Variants in SETD2 observed in about 807,000 individuals in gnomAD.
SETD2 encodes the protein SET domain containing 2, histone lysine methyltransferase, also known as histone-lysine N-methyltransferase SETD2.
SETD2 carries 31 observed loss-of-function variants against 242.1 expected under a neutral mutation model. That is an observed-to-expected ratio of 0.13 (90% CI 0.10 to 0.17). SETD2 has a LOEUF of 0.17. Among genes scored for constraint, SETD2 ranks in the 10% least tolerant of loss-of-function variants. The pLI is 1.00. For synonymous variants in SETD2, 1,006 were observed against 1,066.5 expected, an observed-to-expected ratio of 0.94 and a Z score of 1.11; for missense variants, 2,481 against 3,046.3, an observed-to-expected ratio of 0.81 and a Z score of 4.37.
At chr3:47,052,178 T>C (rs2039875544) in intron 15 of SETD2, among the ~76,000 whole-genome samples, 1 of 152,178 alleles carries the variant, frequency 6.6e-6, no homozygotes, top group Admixed American at 6.5e-5. Flanking sequence ...TTTTTCTGTA[T>C]CACAGAAAAA....
At position 47,115,486 on chromosome 3, in the gene SETD2, T is replaced by C. The variant is rs563753532; in HGVS notation, c.4586+1137A>G. The stretch of plus-strand genomic sequence containing the variant: ...GGATAAAAGAATACCAAAAATCCTT[T>C]CTCTTTATTTTTTCAAGGTATATAT... On this transcript the variant is annotated intron_variant, in intron 4 of 20. Transcript: ENST00000409792. Among the ~76,000 whole-genome samples, 7 of 152,162 alleles carry C rather than the reference T, an allele frequency of 4.6e-5. No homozygotes were observed. In the East Asian group the frequency reaches 1.3e-3, roughly 29 times the overall value.
intron 1 of SETD2, among the ~76,000 whole-genome samples, chr3:47,138,649 A>G (rs555530510): frequency 6.6e-6 from 1 of 150,982 alleles, no homozygotes; most frequent in Non-Finnish European, 1.5e-5. Context: ...TTGAACTCCC[A>G]AACTCTGGTG....
Position 47,017,671 on chromosome 3 carries a change from G to A in SETD2, c.7500C>T (p.Thr2500=), listed in dbSNP as rs148499835. Reference sequence around the variant, plus strand: ...CCAGATGTTTAAAGTCTTCAGTTGTGGTAATTCTTCCCACTTTGCAGTCAG... The same window carrying A: ...CCAGATGTTTAAAGTCTTCAGTTGTAGTAATTCTTCCCACTTTGCAGTCAG... ...RKPDCKVGRI[T]TTEDFKHLAR... The change falls in exon 20 of 21, where the codon ACC becomes ACT. Residue 2500 remains threonine (T), a synonymous_variant. Transcript: ENST00000409792. This position sits in a 1 kb window ranked among gnomAD's most constrained non-coding sequence, Gnocchi z 4.8. 515 of 1,613,838 alleles carry A rather than the reference G, an allele frequency of 3.2e-4. 2 individuals are homozygous for A. The highest frequency in any genetic ancestry group is 1.6e-3 in the Middle Eastern group (10 of 6,084).
chr3:47,107,989 G>GA (rs1357477874), intron 5 of SETD2, among the ~76,000 whole-genome samples: 3 of 151,334 alleles, frequency 2.0e-5, no homozygotes, highest in East Asian at 1.9e-4. Flanking sequence ...CATTAAAAAA[G>GA]AAAAAAAAGC....
rs1452709845 is a variant in SETD2 at position 47,123,941 on chromosome 3, T to G, written c.695A>C (p.Asp232Ala). Residue 232 changes from aspartate (D) to alanine (A), a missense_variant, in exon 3 of 21, where the codon GAT (aspartate) becomes GCT (alanine). Physicochemically the swap from Asp to Ala is moderately radical, Grantham distance 126. Around this residue, in one of 17 missense-constraint regions of SETD2, gnomAD observed 334 missense variants for 374.5 expected, o/e 0.89. Coordinates refer to ENST00000409792, the MANE Select transcript of SETD2 (RefSeq NM_014159.7). Reference sequence around the variant, plus strand: ...TTCTTTCAGAGATCTAACTGCTACATCTACTGGTAAGGGTACTGGTGCTGC... The same window carrying G: ...TTCTTTCAGAGATCTAACTGCTACAGCTACTGGTAAGGGTACTGGTGCTGC... ...LMAAPVPLPVDVAVRSLKEPP... is the reference protein window; with the variant it reads ...LMAAPVPLPVAVAVRSLKEPP... 1.3e-6 allele frequency: 2 copies of G among 1,551,760 alleles called. No homozygotes were observed. Among genetic ancestry groups the G allele is most frequent in the Non-Finnish European group, 1.7e-6 (2 of 1,146,598 alleles).
chr3:47,043,286 A>G (rs972892550), intron 16 of SETD2, among the ~76,000 whole-genome samples: 2 of 152,322 alleles, frequency 1.3e-5, no homozygotes, highest in Admixed American at 1.3e-4. Context: ...GCTAATTAAG[A>G]TTAATGAAGT....
chr3:47,059,821 G>C (rs2040257855), intron 14 of SETD2, among the ~76,000 whole-genome samples: 1 of 151,764 alleles, frequency 6.6e-6, no homozygotes, highest in Admixed American at 6.6e-5. Flanking sequence ...GTCTTTCTCT[G>C]TCACCCAGGC....
At chr3:47,066,986 C>T (rs913480606) in intron 13 of SETD2, 84 bp downstream of exon 13, 41 of 986,550 alleles carry the variant, frequency 4.2e-5, no homozygotes, top group African/African-American at 9.9e-5. Context: ...AAAACAAAAA[C>T]GCTTAAGTTC....
At chr3:47,106,489 G>C (rs2042424341) in intron 5 of SETD2, among the ~76,000 whole-genome samples, 1 of 82,230 alleles carries the variant, frequency 1.2e-5, no homozygotes, top group South Asian at 4.0e-4. Context: ...GAGGATTTTT[G>C]CTCTAAAAAA....
At chr3:47,070,511 A>G (rs913250586) in intron 12 of SETD2, among the ~76,000 whole-genome samples, 1 of 152,226 alleles carries the variant, frequency 6.6e-6, no homozygotes, top group African/African-American at 2.4e-5. Flanking sequence ...GTCCCACAAC[A>G]TTGAAAGCTG....
In SETD2 at chr3:47,016,962, G is replaced by T; in HGVS notation, c.*131C>A. ...GTGGCCTTCAGTTGACATCTGCAGG[G>T]TTGAATTCCCCAGGGTGATGTATCA... On this transcript the variant is annotated 3_prime_UTR_variant, in exon 21 of 21. Coordinates refer to ENST00000409792, the MANE Select transcript of SETD2 (RefSeq NM_014159.7). 1.1e-6 allele frequency: 1 copy of T among 880,176 alleles called. No individual in the cohort carries two copies. The allele number at this position is 880,176 out of a possible 1,614,324, so 54.5% of individuals were successfully genotyped here.
At chr3:47,019,283 A>C (rs142838463) in intron 19 of SETD2, among the ~76,000 whole-genome samples, 87 of 152,342 alleles carry the variant, frequency 5.7e-4, no homozygotes, top group African/African-American at 1.7e-3. Flanking sequence ...TCTGAACCTT[A>C]AGAGTTCTTT....
chr3:47,062,377 T>TCG, intron 13 of SETD2, 31 bp from the exon 14 acceptor site: 1 of 1,555,362 alleles, frequency 6.4e-7, no homozygotes, highest in Admixed American at 2.2e-5. Context: ...GTTTGTTTTT[T>TCG]TTTTTTTTAA....
chr3:47,079,275 A>T (rs1014591172), intron 12 of SETD2, among the ~76,000 whole-genome samples: 1 of 152,150 alleles, frequency 6.6e-6, no homozygotes, highest in African/African-American at 2.4e-5. Flanking sequence ...CTACATCTAT[A>T]CTAAAACAGT....
rs1214225814 is a variant in SETD2, at chr3:47,106,162, G to C, written c.4716-42C>G. 1.9e-6 allele frequency: 3 copies of C among 1,584,264 alleles called. No homozygotes were observed. The African/African-American group carries it at 4.1e-5, about 21-fold the overall frequency. ...AAAAAATAGCACTTCCTACCTAGGA[G>C]CAGTAGGGAAAACATATATGCTCAG... On this transcript the variant is annotated intron_variant, in intron 5 of 20. Transcript: ENST00000409792.
chr3:47,067,620 GC>G (rs1226874202), intron 12 of SETD2, among the ~76,000 whole-genome samples: 1 of 151,564 alleles, frequency 6.6e-6, no homozygotes, highest in African/African-American at 2.4e-5. Flanking sequence ...TTATCACATT[GC>G]CCAGGCTGGT....
chr3:47,027,291 C>A (rs761211435), intron 18 of SETD2, among the ~76,000 whole-genome samples: 1 of 145,508 alleles, frequency 6.9e-6, no homozygotes, highest in South Asian at 2.2e-4. Context: ...AAGCTGAGAT[C>A]GCACCACTGC....
intron 13 of SETD2, among the ~76,000 whole-genome samples, chr3:47,065,313 T>G (rs2107596725): frequency 6.6e-6 from 1 of 151,914 alleles, no homozygotes; most frequent in Non-Finnish European, 1.5e-5. Context: ...ATCTCACAGG[T>G]CTTTAACCAA....
intron 1 of SETD2, among the ~76,000 whole-genome samples, chr3:47,130,427 G>T (rs1343653769): frequency 6.6e-6 from 1 of 152,174 alleles, no homozygotes; most frequent in Non-Finnish European, 1.5e-5. Flanking sequence ...GTCTTCTTGG[G>T]TAGGAGACCT....
Sources: gnomAD v4.1 joint callset for allele counts (sites outside exome capture counted in the v4.1 genomes callset) on GRCh38, gnomAD v4.1.1 for gene constraint, gnomAD v4.1.1 regional missense constraint, Gnocchi (gnomAD v3.1) non-coding constraint, MANE v1.5 for transcripts, NCBI Gene and HGNC (gene_info 2026-07-23, HGNC 2026-07-21) for gene names.